The following ZGPAT variants were observed in gnomAD, a reference collection of about 807,000 sequenced individuals.
ZGPAT encodes zinc finger CCCH-type with G patch domain-containing protein.
A neutral mutation model predicts 47.9 loss-of-function variants in ZGPAT; 39 were observed. The ratio of observed to expected loss-of-function variants is 0.81; its 90% CI spans 0.63 to 1.06. The LOEUF is 1.06. ZGPAT is among the 50% of genes least tolerant of loss of function. ZGPAT has a pLI of 0.00. For missense variants in ZGPAT, 717 were observed against 681.4 expected (o/e 1.05, Z -0.58); for synonymous variants, 348 against 292.9 (o/e 1.19, Z -1.92).
chr20:63,733,199 C>T lies in ZGPAT; in HGVS notation c.585-20C>T, dbSNP rs983562840. The T allele has an allele frequency of 1.9e-6, 3 of 1,611,016 alleles. No homozygotes were observed. The highest frequency in any genetic ancestry group is 2.5e-6 in the Non-Finnish European group (3 of 1,177,982). On this transcript the variant is annotated intron_variant, in intron 2 of 6. Transcript: ENST00000355969. ...TGGTGGCCCATGTCTGAGCCCTGCCCCTTACGGCTCTGTCTGCAGGTTCTC... is the reference window on the plus strand; with the variant it reads ...TGGTGGCCCATGTCTGAGCCCTGCCTCTTACGGCTCTGTCTGCAGGTTCTC...
intron 2 of ZGPAT, among the ~76,000 whole-genome samples, chr20:63,725,864 C>G (rs1238253227): frequency 7.0e-6 from 1 of 143,654 alleles, no homozygotes; most frequent in Non-Finnish European, 1.5e-5. Flanking sequence ...CGGAGTTTTG[C>G]TTTTGTTGCT....
Position 63,716,192 on chromosome 20 carries a change from G to C in ZGPAT, c.584+7028G>C, listed in dbSNP as rs556667108. Among the ~76,000 whole-genome samples, 16 of 152,200 alleles carry C rather than the reference G, an allele frequency of 1.1e-4. No individual in the cohort carries two copies. The East Asian group carries it at 2.9e-3, about 28-fold the overall frequency. On this transcript the variant is annotated intron_variant, in intron 2 of 6. Coordinates refer to ENST00000355969, the MANE Select transcript of ZGPAT (RefSeq NM_181485.3). ...CTACAGGCGCACGCCAGCATACCTG[G>C]CTAATTTTTGTATTTTTAGTAGGAA...
chr20:63,735,168 G>A lies in ZGPAT; in HGVS notation c.1001G>A (p.Arg334Gln), dbSNP rs774274621. 8.6e-6 allele frequency: 13 copies of A among 1,513,958 alleles called. No homozygotes were observed. Among genetic ancestry groups the A allele is most frequent in the Non-Finnish European group, 1.1e-5 (12 of 1,131,478 alleles). 93.8% of individuals were successfully genotyped at this position (1,513,958 alleles called of 1,614,324 possible). A position where few individuals can be genotyped will look rare whatever the true frequency, so the allele number is the denominator to read the frequency against. The change falls in exon 6 of 7, where the codon CGA becomes CAA. Residue 334 changes from arginine to glutamine, a missense_variant. Physicochemically the swap from Arg to Gln is conservative, Grantham distance 43. Transcript: ENST00000355969. The stretch of plus-strand genomic sequence containing the variant: ...CCCCGTGCCTCCGCAGGTTTGGGCC[G>A]ACACGCGGAAGGCCGGGTGGAGCCC... ...MGYEFGKGLG[R>Q]HAEGRVEPIH...
chr20:63,718,335 TTTC>T (rs202143810), intron 2 of ZGPAT, among the ~76,000 whole-genome samples: 10 of 151,674 alleles, frequency 6.6e-5, no homozygotes, highest in East Asian at 2.0e-4. Context: ...TTTTTCTTTC[TTTC>T]TTTTTTTTTT....
At chr20:63,724,902 C>A (rs934673088) in intron 2 of ZGPAT, among the ~76,000 whole-genome samples, 2 of 151,678 alleles carry the variant, frequency 1.3e-5, no homozygotes, top group Non-Finnish European at 2.9e-5. Context: ...GTCTCGAATT[C>A]ATGACCTCAT....
At chr20:63,709,334 TGAATCAAGAAGCATGGAAG>T (rs1042775999) in intron 2 of ZGPAT, among the ~76,000 whole-genome samples, 170 bp downstream of exon 2, 1 of 151,896 alleles carries the variant, frequency 6.6e-6, no homozygotes, top group African/African-American at 2.4e-5. Flanking sequence ...CCTTCTGGGG[TGAATCAAGAAGCATGGAAG>T]GAGGCCAGGC....
At position 63,735,619 on chromosome 20, in the gene ZGPAT, G is replaced by A. The variant is rs567154223; in HGVS notation, c.1397+55G>A. The A allele has an allele frequency of 1.3e-4, 195 of 1,498,076 alleles. No individual in the cohort carries two copies. The African/African-American group carries it at 2.1e-3, about 16-fold the overall frequency. The allele number at this position is 1,498,076 out of a possible 1,614,324, so 92.8% of individuals were successfully genotyped here. A position where few individuals can be genotyped will look rare whatever the true frequency, so the allele number is the denominator to read the frequency against. ...GGCGACCCAGGGTGGCCCTGCCCCC[G>A]GGATACATGCTGGAGGTCACCTGAC... On this transcript the variant is annotated intron_variant, in intron 6 of 6. Coordinates refer to ENST00000355969, the MANE Select transcript of ZGPAT (RefSeq NM_181485.3).
intron 2 of ZGPAT, among the ~76,000 whole-genome samples, chr20:63,715,040 T>C (rs1019764417): frequency 1.3e-5 from 2 of 152,116 alleles, no homozygotes; most frequent in African/African-American, 4.8e-5. Context: ...TTTCGTATGT[T>C]GAACCATCCT....
In ZGPAT at chr20:63,728,933, C is replaced by T. The variant is rs976979811; in HGVS notation, c.585-4286C>T. On this transcript the variant is annotated intron_variant, in intron 2 of 6. Transcript: ENST00000355969. Reference sequence around the variant, plus strand: ...ACATTTTTCAAGAAGAATCTCTTCTCAGTGAGTTCTCAGCTTTGGTCAGTT... The same window carrying T: ...ACATTTTTCAAGAAGAATCTCTTCTTAGTGAGTTCTCAGCTTTGGTCAGTT... Among the ~76,000 whole-genome samples the T allele has an allele frequency of 6.6e-5, 10 of 152,182 alleles. 1 individual carries two copies. The highest frequency in any genetic ancestry group is 7.3e-5 in the Non-Finnish European group (5 of 68,042).
At chr20:63,733,151 G>A in intron 2 of ZGPAT, 68 bp from the exon 3 acceptor site, 1 of 1,580,706 alleles carries the variant, frequency 6.3e-7, no homozygotes, top group Non-Finnish European at 8.6e-7. Context: ...GGATGGGTCA[G>A]TGCTCCTGGG....
At chr20:63,726,185 C>T (rs1461706074) in intron 2 of ZGPAT, among the ~76,000 whole-genome samples, 1 of 145,144 alleles carries the variant, frequency 6.9e-6, no homozygotes, top group Non-Finnish European at 1.5e-5. Flanking sequence ...TCAAATCTGC[C>T]GTTGAGTACA....
chr20:63,734,851 G>A (rs1379210859), intron 5 of ZGPAT, 27 bp downstream of exon 5: 4 of 1,550,876 alleles, frequency 2.6e-6, no homozygotes, highest in Non-Finnish European at 3.5e-6. Flanking sequence ...CTGGAGAAGT[G>A]GGCAGGCTGC....
intron 2 of ZGPAT, among the ~76,000 whole-genome samples, chr20:63,720,613 G>A (rs891898972): frequency 6.6e-6 from 1 of 152,048 alleles, no homozygotes; most frequent in Admixed American, 6.6e-5. Flanking sequence ...CACCATGCCT[G>A]GCTGGTTGTG....
At chr20:63,716,709 G>T (rs2091732582) in intron 2 of ZGPAT, among the ~76,000 whole-genome samples, 1 of 151,932 alleles carries the variant, frequency 6.6e-6, no homozygotes, top group South Asian at 2.1e-4. Context: ...TTGAGACGGA[G>T]TCTGTTTCTG....
At chr20:63,725,077 C>T (rs970973237) in intron 2 of ZGPAT, among the ~76,000 whole-genome samples, 13 of 151,632 alleles carry the variant, frequency 8.6e-5, no homozygotes, top group African/African-American at 1.9e-4. Context: ...CTCCGCCTCC[C>T]GGGTTCACGC....
At chr20:63,722,579 G>A (rs924402524) in intron 2 of ZGPAT, among the ~76,000 whole-genome samples, 4 of 152,068 alleles carry the variant, frequency 2.6e-5, no homozygotes, top group Admixed American at 2.6e-4. Flanking sequence ...AGATGACAAT[G>A]TACATCTTTA....
At chr20:63,734,995 C>T (rs1449272294) in intron 5 of ZGPAT, 164 bp from the exon 6 acceptor site, 16 of 1,319,136 alleles carry the variant, frequency 1.2e-5, no homozygotes, top group Non-Finnish European at 1.5e-5. Context: ...CACAGCACTG[C>T]CATCCCCGTG....
In ZGPAT at chr20:63,708,865, G is replaced by C; in HGVS notation, c.285G>C (p.Ala95=). 6.2e-7 allele frequency: 1 copy of C among 1,608,824 alleles called. No homozygotes were observed. The highest frequency in any genetic ancestry group is 8.5e-7 in the Non-Finnish European group (1 of 1,177,438). ...AITEAVEAPA[A]ARGSGSETVP... The stretch of plus-strand genomic sequence containing the variant: ...CTGAGGCGGTGGAGGCACCAGCAGC[G>C]GCCCGTGGGTCCGGATCAGAGACCG... The change falls in exon 2 of 7, where the codon GCG becomes GCC. Residue 95 remains alanine, a synonymous_variant. Transcript: ENST00000355969.
At position 63,733,621 on chromosome 20, in the gene ZGPAT, C is replaced by T. The variant is rs533220710; in HGVS notation, c.753C>T (p.Asp251=). ...ACGGCTACTACACAGTCAAGTTTGA[C>T]TCGCTGCTGCTGAGGGAGGCCGTGG... is the stretch of plus-strand genomic sequence containing the variant. ...VDNGYYTVKF[D]SLLLREAVVE... The change falls in exon 4 of 7, where the codon GAC becomes GAT. Residue 251 remains aspartate, a synonymous_variant. Transcript: ENST00000355969. The T allele has an allele frequency of 3.7e-6, 6 of 1,613,988 alleles. No homozygotes were observed. Among genetic ancestry groups the T allele is most frequent in the African/African-American group, 1.3e-5 (1 of 74,946 alleles).
Sources: gnomAD v4.1 joint callset for allele counts (sites outside exome capture counted in the v4.1 genomes callset) on GRCh38, gnomAD v4.1.1 for gene constraint, MANE v1.5 for transcripts, NCBI Gene and HGNC (gene_info 2026-07-23, HGNC 2026-07-21) for gene names.